GLG1: variants seen among roughly 807,000 people sequenced by gnomAD.
The protein encoded by GLG1 is Golgi apparatus protein 1.
A neutral mutation model predicts 160.5 loss-of-function variants in GLG1; 38 were observed. The observed-to-expected ratio is 0.24, with a 90% CI of 0.18 to 0.31. The LOEUF is 0.31. Among genes scored for constraint, GLG1 ranks in the 10% least tolerant of loss-of-function variants. The pLI is 1.00. For synonymous variants in GLG1, 644 were observed against 543.4 expected, an observed-to-expected ratio of 1.19 and a Z score of -2.57; for missense variants, 1,373 against 1,505.2, an observed-to-expected ratio of 0.91 and a Z score of 1.45.
At chr16:74,601,906 T>C (rs1167296407) in intron 1 of GLG1, among the ~76,000 whole-genome samples, 2 of 152,186 alleles carry the variant, frequency 1.3e-5, no homozygotes, top group Non-Finnish European at 2.9e-5. Flanking sequence ...GAACACCAGC[T>C]CTACCACTTA....
At position 74,467,819 on chromosome 16, in the gene GLG1, T is replaced by C. The variant is rs760558405; in HGVS notation, c.2466A>G (p.Leu822=). Residue 822 remains leucine, a synonymous_variant, in exon 18 of 26, where the codon CTA becomes CTG. Transcript: ENST00000422840. ...TGATGTCACTCTTGCAGGCTTCGTA[T>C]AGATCTGGCTCCAAGCGGATGTCCT... ...MTEDIRLEPD[L]YEACKSDIKN... is the part of the protein sequence containing the mutation. The C allele has an allele frequency of 1.9e-5, 31 of 1,613,384 alleles. No individual in the cohort carries two copies. The South Asian group carries it at 2.0e-4, about 10-fold the overall frequency.
intron 2 of GLG1, among the ~76,000 whole-genome samples, chr16:74,521,262 T>C (rs1459763389): frequency 6.6e-6 from 1 of 152,034 alleles, no homozygotes; most frequent in Non-Finnish European, 1.5e-5. Context: ...CACAAAGATT[T>C]GGGAGTTTAA....
rs530666729 is a variant in GLG1 at position 74,529,937 on chromosome 16, G to C, written c.471+2184C>G. 3.2e-3 allele frequency among the ~76,000 whole-genome samples: 466 copies of C among 146,398 alleles called. 2 individuals carry two copies. The highest frequency in any genetic ancestry group is 4.2e-3 in the Non-Finnish European group (282 of 67,400). On this transcript the variant is annotated intron_variant, in intron 2 of 25. Transcript: ENST00000422840. The stretch of plus-strand genomic sequence containing the variant: ...AGCGATTTTCCTGTTTCAGACTCCT[G>C]AGTAGCCAGGATTACAGGGGTGTGC...
At chr16:74,578,654 G>C (rs1957867500) in intron 1 of GLG1, among the ~76,000 whole-genome samples, 1 of 152,164 alleles carries the variant, frequency 6.6e-6, no homozygotes, top group Non-Finnish European at 1.5e-5. Flanking sequence ...GGGAGACGAA[G>C]AGATTAAATC....
chr16:74,571,012 T>C (rs556356407), intron 1 of GLG1, among the ~76,000 whole-genome samples: 2 of 152,182 alleles, frequency 1.3e-5, no homozygotes, highest in South Asian at 4.1e-4. Context: ...AATCTGGGCA[T>C]GGCTACCTGA....
intron 4 of GLG1, among the ~76,000 whole-genome samples, chr16:74,501,008 G>A (rs2016384695): frequency 6.6e-6 from 1 of 152,164 alleles, no homozygotes. Context: ...CGGTCCTCTG[G>A]AGGAGGCCAA....
intron 1 of GLG1, among the ~76,000 whole-genome samples, chr16:74,583,395 T>C (rs1957979191): frequency 6.6e-6 from 1 of 152,024 alleles, no homozygotes; most frequent in African/African-American, 2.4e-5. Flanking sequence ...TTTTGGGGGG[T>C]TGGGCGCAGA....
intron 14 of GLG1, among the ~76,000 whole-genome samples, chr16:74,472,090 G>A (rs1247022439): frequency 6.6e-6 from 1 of 152,078 alleles, no homozygotes; most frequent in Non-Finnish European, 1.5e-5. Context: ...ATTTTTTGTA[G>A]AGACAGAGTT....
intron 1 of GLG1, among the ~76,000 whole-genome samples, chr16:74,568,780 C>A (rs1483867578): frequency 6.6e-6 from 1 of 152,158 alleles, no homozygotes; most frequent in Non-Finnish European, 1.5e-5. Context: ...GGTGCACATG[C>A]AAAGTAACAG....
At chr16:74,469,245 A>G (rs2015111915) in intron 16 of GLG1, 182 bp from the exon 17 acceptor site, 1 of 597,684 alleles carries the variant, frequency 1.7e-6, no homozygotes, top group African/African-American at 1.9e-5. Flanking sequence ...TGTGGGTGTC[A>G]TGAAAGGCAG....
chr16:74,604,557 G>T (rs1373116378), intron 1 of GLG1, among the ~76,000 whole-genome samples: 1 of 152,238 alleles, frequency 6.6e-6, no homozygotes, highest in Admixed American at 6.5e-5. Flanking sequence ...CATGCAAAGG[G>T]ACAGAAAAGT....
At chr16:74,547,423 A>T (rs1411611204) in intron 1 of GLG1, among the ~76,000 whole-genome samples, 1 of 152,042 alleles carries the variant, frequency 6.6e-6, no homozygotes, top group Non-Finnish European at 1.5e-5. Context: ...CAGACACAAC[A>T]AAAGTGTCTT....
intron 3 of GLG1, among the ~76,000 whole-genome samples, chr16:74,506,455 G>A (rs1161698442): frequency 6.7e-6 from 1 of 150,054 alleles, no homozygotes; most frequent in African/African-American, 2.5e-5. Context: ...GGTAGCAGGT[G>A]CCTGTAGTCC....
chr16:74,534,815 A>C (rs913102670), intron 1 of GLG1, among the ~76,000 whole-genome samples: 1 of 145,628 alleles, frequency 6.9e-6, no homozygotes, highest in Non-Finnish European at 1.5e-5. Context: ...TGCAGTCCAC[A>C]TTTGCAGTTA....
At chr16:74,562,536 T>G (rs925311470) in intron 1 of GLG1, among the ~76,000 whole-genome samples, 1 of 152,212 alleles carries the variant, frequency 6.6e-6, no homozygotes, top group Non-Finnish European at 1.5e-5. Flanking sequence ...CTCAGCTCTC[T>G]GCAACCTCCA....
chr16:74,598,862 C>G (rs1223076027), intron 1 of GLG1, among the ~76,000 whole-genome samples: 2 of 151,430 alleles, frequency 1.3e-5, no homozygotes, highest in Non-Finnish European at 2.9e-5. Flanking sequence ...CCAGCCTGAG[C>G]AAGAGCGAAA....
intron 9 of GLG1, among the ~76,000 whole-genome samples, chr16:74,484,630 A>C (rs993938125): frequency 2.6e-5 from 4 of 152,104 alleles, no homozygotes; most frequent in African/African-American, 9.7e-5. Context: ...GCATGGTGTC[A>C]TGTGCCTGCA....
intron 1 of GLG1, among the ~76,000 whole-genome samples, chr16:74,591,338 A>T (rs556698187): frequency 3.4e-4 from 49 of 145,288 alleles, no homozygotes; most frequent in South Asian, 2.0e-3. Flanking sequence ...CTCAAAAAAA[A>T]AAAATAAAGG....
At chr16:74,458,520 TA>T (rs935642434) in intron 23 of GLG1, among the ~76,000 whole-genome samples, 16 of 151,282 alleles carry the variant, frequency 1.1e-4, no homozygotes, top group Non-Finnish European at 1.9e-4. Context: ...GAAAATTATT[TA>T]AAAAAAAATT....
Sources: allele counts gnomAD v4.1 joint callset (sites outside exome capture counted in the v4.1 genomes callset), GRCh38; gene constraint gnomAD v4.1.1; transcripts MANE v1.5; gene names NCBI Gene and HGNC (gene_info 2026-07-23, HGNC 2026-07-21).